Variants in NLRP2 observed in about 807,000 individuals in gnomAD.
The protein encoded by NLRP2 is NLR family pyrin domain containing 2.
NLRP2 carries 107 observed loss-of-function variants against 97.2 expected under a neutral mutation model. That is an observed-to-expected ratio of 1.10 (90% CI 0.94 to 1.29). NLRP2 has a LOEUF of 1.29. Ranked by LOEUF, NLRP2 falls within the 50% of genes most tolerant of loss-of-function variation. NLRP2 has a pLI of 0.00. For missense variants in NLRP2, 1,495 were observed against 1,330.3 expected (o/e 1.12, Z -1.93); for synonymous variants, 663 against 551.5 (o/e 1.20, Z -2.83).
intron 7 of NLRP2, 105 bp downstream of exon 7, chr19:54,985,322 C>T (rs1461712373): frequency 3.0e-5 from 32 of 1,077,044 alleles, no homozygotes; most frequent in East Asian, 7.2e-5. Context: ...CTTAAGTGCT[C>T]GAGACACAGG....
At position 54,982,458 on chromosome 19, in the gene NLRP2, G is replaced by A. The variant is rs745632440; in HGVS notation, c.760G>A (p.Gly254Ser). ...YLSCRELSRLGPCSFAELVFR... is the reference protein window; with the variant it reads ...YLSCRELSRLSPCSFAELVFR... ...CAGCTGCAGGGAGCTCAGCCGCCTG[G>A]GCCCGTGCAGTTTTGCAGAGCTGGT... Residue 254 changes from glycine to serine, a missense_variant, in exon 6 of 13, where the codon GGC becomes AGC. By Grantham distance (56) the Gly-to-Ser change is moderately conservative. Coordinates refer to ENST00000448584, the MANE Select transcript of NLRP2 (RefSeq NM_017852.5). 7 of 1,614,166 alleles carry A rather than the reference G, an allele frequency of 4.3e-6. No homozygotes were observed. Among genetic ancestry groups the A allele is most frequent in the Non-Finnish European group, 5.9e-6 (7 of 1,180,030 alleles).
intron 1 of NLRP2, among the ~76,000 whole-genome samples, chr19:54,966,956 C>T (rs1428778962): frequency 6.6e-6 from 1 of 151,300 alleles, no homozygotes; most frequent in Non-Finnish European, 1.5e-5. Context: ...GTCCTCACGC[C>T]TCAGCCTTTG....
Position 54,982,183 on chromosome 19 carries a change from A to G in NLRP2, c.485A>G (p.Tyr162Cys), listed in dbSNP as rs760819538. 8.1e-6 allele frequency: 13 copies of G among 1,613,990 alleles called. No individual in the cohort carries two copies. Among genetic ancestry groups the G allele is most frequent in the Non-Finnish European group, 1.0e-5 (12 of 1,180,032 alleles). Residue 162 changes from tyrosine to cysteine, a missense_variant, in exon 6 of 13, where the codon TAT becomes TGT. By Grantham distance (194) the Tyr-to-Cys change is radical. Coordinates refer to ENST00000448584, the MANE Select transcript of NLRP2 (RefSeq NM_017852.5). ...KKPDKDNRCR[Y>C]ILKTKFREMW... ...AAAGACAAAGACAATAGGTGCAGGT[A>G]TATATTGAAGACGAAGTTCCGGGAG...
intron 11 of NLRP2, 34 bp from the exon 12 acceptor site, chr19:54,997,283 C>T: frequency 6.2e-7 from 1 of 1,609,072 alleles, no homozygotes; most frequent in South Asian, 1.1e-5. Context: ...TCAGCACTGG[C>T]TGCATTAACG....
intron 6 of NLRP2, among the ~76,000 whole-genome samples, chr19:54,984,329 G>GGTTTTTTTTTT (rs1329961462): frequency 6.3e-5 from 5 of 79,678 alleles, no homozygotes; most frequent in Admixed American, 1.5e-4. Context: ...TTTTTTTTGT[G>GGTTTTTTTTTT]TTTTTTTTTT....
chr19:54,982,012 A>T (rs991638675), intron 5 of NLRP2, 150 bp from the exon 6 acceptor site: 11 of 924,386 alleles, frequency 1.2e-5, no homozygotes, highest in Admixed American at 5.4e-5. Flanking sequence ...TCCCAATGTC[A>T]GGTGATCTGC....
chr19:54,972,122 G>A (rs1044888984), intron 2 of NLRP2, among the ~76,000 whole-genome samples: 3 of 151,018 alleles, frequency 2.0e-5, no homozygotes, highest in Admixed American at 6.6e-5. Flanking sequence ...GATTACAGGC[G>A]TGAGCCACCG....
chr19:54,998,593 T>TG (rs1415377316), intron 12 of NLRP2, among the ~76,000 whole-genome samples: 30 of 129,588 alleles, frequency 2.3e-4, no homozygotes, highest in Non-Finnish European at 3.3e-4. Context: ...ACTCTTTTTT[T>TG]TGGGGTGCAT....
intron 2 of NLRP2, among the ~76,000 whole-genome samples, chr19:54,972,063 C>T (rs1339965867): frequency 1.4e-5 from 2 of 147,864 alleles, no homozygotes; most frequent in African/African-American, 5.0e-5. Flanking sequence ...AGGATAGTCT[C>T]GATGTCGTGA....
intron 11 of NLRP2, 42 bp from the exon 12 acceptor site, chr19:54,997,275 A>C (rs1360198491): frequency 6.2e-7 from 1 of 1,606,224 alleles, no homozygotes; most frequent in Non-Finnish European, 8.5e-7. Flanking sequence ...GGCATCGATC[A>C]GCACTGGCTG....
intron 2 of NLRP2, among the ~76,000 whole-genome samples, chr19:54,972,213 ACT>A (rs2070907203): frequency 6.6e-6 from 1 of 151,026 alleles, no homozygotes; most frequent in East Asian, 1.9e-4. Flanking sequence ...GACAAGTCTC[ACT>A]CTGTCACCCA....
chr19:54,976,829 T>TTTTTTTA (rs757260242), intron 3 of NLRP2: 1 of 420,350 alleles, frequency 2.4e-6, no homozygotes, highest in Non-Finnish European at 4.6e-6. Flanking sequence ...TTTTTTTTTT[T>TTTTTTTA]GATACGGAGT....
intron 12 of NLRP2, among the ~76,000 whole-genome samples, chr19:54,998,893 A>G (rs1205574895): frequency 1.3e-5 from 2 of 151,100 alleles, no homozygotes; most frequent in Non-Finnish European, 2.9e-5. Context: ...CACCGCCCTT[A>G]ATCCGTTTAA....
At chr19:54,999,738 T>C (rs1176661762) in intron 12 of NLRP2, among the ~76,000 whole-genome samples, 1 of 152,128 alleles carries the variant, frequency 6.6e-6, no homozygotes, top group African/African-American at 2.4e-5. Context: ...TTTTATTATT[T>C]ACTTCATTTA....
intron 12 of NLRP2, among the ~76,000 whole-genome samples, chr19:55,000,213 G>A (rs919902014): frequency 2.8e-5 from 4 of 144,070 alleles, no homozygotes; most frequent in African/African-American, 1.0e-4. Context: ...AGAGGCACAG[G>A]TTGCAGTGAG....
chr19:54,990,167 C>T lies in NLRP2; in HGVS notation c.2512C>T (p.Pro838Ser). The change falls in exon 9 of 13, where the codon CCC becomes TCC. Residue 838 changes from proline (P) to serine (S), a missense_variant. Pro to Ser is a moderately conservative substitution (Grantham distance 74, BLOSUM62 -1). Transcript: ENST00000448584. ...AKLLYTTLRH[P>S]KCFLQRLSLE... ...GTTGCTGTACACAACTTTGAGACAC[C>T]CCAAGTGCTTTCTGCAGAGGTTGTC... 6.2e-7 allele frequency: 1 copy of T among 1,614,012 alleles called. No homozygotes were observed. Among genetic ancestry groups the T allele is most frequent in the Non-Finnish European group, 8.5e-7 (1 of 1,180,002 alleles).
chr19:54,994,333 T>G lies in NLRP2; in HGVS notation c.2773T>G (p.Ser925Ala). The G allele has an allele frequency of 6.2e-7, 1 of 1,614,108 alleles. No individual in the cohort carries two copies. Among genetic ancestry groups the G allele is most frequent in the Non-Finnish European group, 8.5e-7 (1 of 1,180,022 alleles). ...TCTCACAAAGCTTCTCCAAGAAAAA[T>G]CAAGCCTGTTGTGTTTGGATCTGGG... Reference protein sequence around the residue: ...CDLTKLLQEKSSLLCLDLGLN... With the variant: ...CDLTKLLQEKASLLCLDLGLN... The change falls in exon 11 of 13, where the codon TCA becomes GCA. Residue 925 changes from serine (S) to alanine (A), a missense_variant. By Grantham distance (99) the Ser-to-Ala change is moderately conservative (BLOSUM62 1). Coordinates refer to ENST00000448584, the MANE Select transcript of NLRP2 (RefSeq NM_017852.5).
intron 12 of NLRP2, among the ~76,000 whole-genome samples, chr19:54,998,335 CCATGG>C (rs1270779031): frequency 2.0e-5 from 3 of 151,878 alleles, no homozygotes; most frequent in Non-Finnish European, 4.4e-5. Flanking sequence ...TATTTTGATA[CCATGG>C]CATCAAAGAA....
chr19:54,970,412 A>T, intron 2 of NLRP2, 117 bp downstream of exon 2: 1 of 1,261,854 alleles, frequency 7.9e-7, no homozygotes. Context: ...GCCCTTTGGG[A>T]GGCTGAGGCG....
Sources: allele counts gnomAD v4.1 joint callset (sites outside exome capture counted in the v4.1 genomes callset), GRCh38; gene constraint gnomAD v4.1.1; transcripts MANE v1.5; gene names NCBI Gene and HGNC (gene_info 2026-07-23, HGNC 2026-07-21).